Variants in KCNIP4 observed in about 807,000 individuals in gnomAD.
KCNIP4 encodes potassium voltage-gated channel interacting protein 4.
A neutral mutation model predicts 34.0 loss-of-function variants in KCNIP4; 12 were observed. That is an observed-to-expected ratio of 0.35 (90% CI 0.23 to 0.57). The LOEUF (loss-of-function observed/expected upper bound fraction) is 0.57, where lower values mean the gene tolerates loss of function less well. Among genes scored for constraint, KCNIP4 ranks in the 20% least tolerant of loss-of-function variants. The pLI is 0.83. For synonymous variants in KCNIP4, 124 were observed against 102.2 expected, an observed-to-expected ratio of 1.21 and a Z score of -1.29; for missense variants, 238 against 311.7, an observed-to-expected ratio of 0.76 and a Z score of 1.78.
intron 1 of KCNIP4, among the ~76,000 whole-genome samples, chr4:21,422,073 T>A (rs1186826126): frequency 6.6e-6 from 1 of 152,098 alleles, no homozygotes; most frequent in Non-Finnish European, 1.5e-5. Context: ...GAGAAAGAGA[T>A]GATATTTAGC....
chr4:21,122,886 A>G (rs1253382968), intron 1 of KCNIP4, among the ~76,000 whole-genome samples: 1 of 152,064 alleles, frequency 6.6e-6, no homozygotes, highest in Non-Finnish European at 1.5e-5. Flanking sequence ...TTCTCTGGAC[A>G]TTTTTTCCCC....
At chr4:20,848,816 A>C (rs10805220) in intron 3 of KCNIP4, among the ~76,000 whole-genome samples, 63,162 of 152,000 alleles carry the variant, frequency 0.42, 13,977 homozygotes, top group South Asian at 0.55. Flanking sequence ...AGAAAAAAAA[A>C]GTCTGCTTAT....
chr4:20,906,296 C>T (rs897470883), intron 1 of KCNIP4, among the ~76,000 whole-genome samples: 3 of 152,008 alleles, frequency 2.0e-5, no homozygotes, highest in African/African-American at 4.8e-5. Flanking sequence ...TCTGGTCATC[C>T]GAAGATCCAT....
intron 1 of KCNIP4, among the ~76,000 whole-genome samples, chr4:21,630,655 A>C (rs2109203424): frequency 6.6e-6 from 1 of 151,938 alleles, no homozygotes; most frequent in African/African-American, 2.4e-5. Context: ...CTTTTCTCAA[A>C]CCTCTCTTCG....
intron 1 of KCNIP4, among the ~76,000 whole-genome samples, chr4:21,804,110 G>A (rs1162698215): frequency 6.6e-6 from 1 of 152,196 alleles, no homozygotes; most frequent in Non-Finnish European, 1.5e-5. Flanking sequence ...CCTCTCAACT[G>A]GGGACTGTGA....
chr4:21,309,855 T>C (rs1712934650), intron 1 of KCNIP4, among the ~76,000 whole-genome samples: 1 of 152,124 alleles, frequency 6.6e-6, no homozygotes, highest in South Asian at 2.1e-4. Flanking sequence ...TACCATGAGA[T>C]CAGGGAAAGC....
At chr4:20,852,088 T>C (rs376207874) in intron 2 of KCNIP4, among the ~76,000 whole-genome samples, 5 of 152,090 alleles carry the variant, frequency 3.3e-5, no homozygotes, top group East Asian at 3.9e-4. Context: ...AAGAAAGATA[T>C]AAGGAGATAG....
intron 1 of KCNIP4, chr4:21,843,936 C>T (rs1296138157): frequency 6.6e-6 from 1 of 152,034 alleles, no homozygotes; most frequent in Non-Finnish European, 1.5e-5. Context: ...CCTAGACAGA[C>T]TAACAGGACC....
chr4:21,407,957 T>C (rs568680897), intron 1 of KCNIP4, among the ~76,000 whole-genome samples: 247 of 152,232 alleles, frequency 1.6e-3, no homozygotes, highest in South Asian at 8.1e-3. Flanking sequence ...CTGATCAATA[T>C]CCACAGGCTA....
At chr4:21,266,409 A>G (rs1441804904) in intron 1 of KCNIP4, among the ~76,000 whole-genome samples, 1 of 152,200 alleles carries the variant, frequency 6.6e-6, no homozygotes, top group Non-Finnish European at 1.5e-5. Context: ...AAACAAAAAA[A>G]AACATGAAAA....
intron 1 of KCNIP4, among the ~76,000 whole-genome samples, chr4:21,004,124 G>C (rs1447946161): frequency 6.6e-6 from 1 of 152,134 alleles, no homozygotes; most frequent in Non-Finnish European, 1.5e-5. Context: ...ATGGATTTAA[G>C]GGGTGAGGAA....
chr4:21,826,016 A>G (rs1485014221), intron 1 of KCNIP4, among the ~76,000 whole-genome samples: 1 of 152,162 alleles, frequency 6.6e-6, no homozygotes, highest in Non-Finnish European at 1.5e-5. Flanking sequence ...AGCAAGCTCA[A>G]AGAACCTAAA....
chr4:20,892,956 G>A (rs971662440), intron 1 of KCNIP4, among the ~76,000 whole-genome samples: 1 of 152,142 alleles, frequency 6.6e-6, no homozygotes, highest in Non-Finnish European at 1.5e-5. Flanking sequence ...TTTGTGTGGG[G>A]TTTGGAAATT....
At chr4:21,240,177 G>T (rs530243922) in intron 1 of KCNIP4, among the ~76,000 whole-genome samples, 1 of 132,910 alleles carries the variant, frequency 7.5e-6, no homozygotes, top group South Asian at 2.5e-4. Flanking sequence ...TGAACAATGA[G>T]AACACATGGA....
intron 3 of KCNIP4, among the ~76,000 whole-genome samples, chr4:20,808,302 G>A (rs1288957055): frequency 6.6e-6 from 1 of 152,102 alleles, no homozygotes; most frequent in African/African-American, 2.4e-5. Context: ...TGCCATGAAG[G>A]CTATTTGAGA....
chr4:21,290,510 G>A (rs941972664), intron 1 of KCNIP4, among the ~76,000 whole-genome samples: 4 of 152,102 alleles, frequency 2.6e-5, no homozygotes, highest in South Asian at 2.1e-4. Flanking sequence ...CTTTTTTAAT[G>A]AGATCATTAT....
intron 3 of KCNIP4, among the ~76,000 whole-genome samples, chr4:20,832,378 C>A (rs1248527557): frequency 9.2e-5 from 14 of 152,086 alleles, no homozygotes; most frequent in Non-Finnish European, 7.4e-5. Flanking sequence ...GTGTCATTGG[C>A]CCATTTATGC....
At chr4:21,173,767 C>A (rs17513440) in intron 1 of KCNIP4, among the ~76,000 whole-genome samples, 76,773 of 151,948 alleles carry the variant, frequency 0.51, 19,652 homozygotes, top group African/African-American at 0.53. Flanking sequence ...GCAGAACTGT[C>A]GGGCAGACTT....
At chr4:21,038,115 T>G (rs1453496361) in intron 1 of KCNIP4, among the ~76,000 whole-genome samples, 1 of 152,116 alleles carries the variant, frequency 6.6e-6, no homozygotes, top group African/African-American at 2.4e-5. Flanking sequence ...GTAGCTGGGA[T>G]TACAGGCATG....
Sources: gnomAD v4.1 joint callset for allele counts (sites outside exome capture counted in the v4.1 genomes callset) on GRCh38, gnomAD v4.1.1 for gene constraint, MANE v1.5 for transcripts, NCBI Gene and HGNC (gene_info 2026-07-23, HGNC 2026-07-21) for gene names.